PLCD3: variants seen among roughly 807,000 people sequenced by gnomAD.
PLCD3 encodes the protein phospholipase C delta 3.
In PLCD3, 62 loss-of-function variants were observed where a neutral mutation model predicts 82.8. The observed-to-expected ratio is 0.75, with a 90% CI of 0.61 to 0.93. The LOEUF is 0.93. Among genes scored for constraint, PLCD3 ranks in the 40% least tolerant of loss-of-function variants. PLCD3 has a pLI of 0.00. For missense variants in PLCD3, 1,023 were observed against 1,103.4 expected, an observed-to-expected ratio of 0.93 and a Z score of 1.03; for synonymous variants, 478 against 471.8, an observed-to-expected ratio of 1.01 and a Z score of -0.17.
intron 1 of PLCD3, among the ~76,000 whole-genome samples, chr17:45,126,659 CTTTT>C (rs747164911): frequency 7.0e-6 from 1 of 142,760 alleles, no homozygotes; most frequent in African/African-American, 2.6e-5. Context: ...CCATTGTATA[CTTTT>C]TTTTTTTTTC....
chr17:45,114,275 C>T lies in PLCD3; in HGVS notation c.1803G>A (p.Glu601=). 1.9e-6 allele frequency: 3 copies of T among 1,544,044 alleles called. No homozygotes were observed. Among genetic ancestry groups the T allele is most frequent in the Non-Finnish European group, 2.6e-6 (3 of 1,144,030 alleles). Residue 601 remains glutamate, a synonymous_variant, in exon 11 of 15, where the codon GAG becomes GAA. Transcript: ENST00000619929. ...RMNSANYSPQ[E]MWNSGCQLVA... Reference sequence around the variant, plus strand: ...CCAGCTGACAGCCCGAGTTCCACATCTCCTGGGGACTGTAGTTGGCTGAGT... The same window carrying T: ...CCAGCTGACAGCCCGAGTTCCACATTTCCTGGGGACTGTAGTTGGCTGAGT...
Sources: allele counts gnomAD v4.1 joint callset (sites outside exome capture counted in the v4.1 genomes callset), GRCh38; gene constraint gnomAD v4.1.1; transcripts MANE v1.5; gene names NCBI Gene and HGNC (gene_info 2026-07-23, HGNC 2026-07-21).